C9orf78: variants seen among roughly 807,000 people sequenced by gnomAD.
The protein encoded by C9orf78 is chromosome 9 open reading frame 78.
Under a neutral mutation model 37.4 loss-of-function variants are expected in C9orf78, and 19 were observed. The observed-to-expected ratio is 0.51, with a 90% confidence interval of 0.35 to 0.74. C9orf78 has a LOEUF of 0.74. C9orf78 is among the 30% of genes least tolerant of loss of function. C9orf78 has a pLI of 0.01. For missense variants in C9orf78, 291 were observed against 370.8 expected, an observed-to-expected ratio of 0.78 and a Z score of 1.77; for synonymous variants, 130 against 128.0, an observed-to-expected ratio of 1.02 and a Z score of -0.10.
At chr9:129,832,200 T>C (rs922697170) in intron 4 of C9orf78, among the ~76,000 whole-genome samples, 3 of 152,200 alleles carry the variant, frequency 2.0e-5, no homozygotes, top group Admixed American at 2.0e-4. Flanking sequence ...GATACACTTA[T>C]CCTTAGGTAT....
chr9:129,831,417 A>C (rs1486611418), intron 5 of C9orf78: 1 of 279,868 alleles, frequency 3.6e-6, no homozygotes, highest in Non-Finnish European at 6.8e-6. Context: ...ACCTTTGAAA[A>C]CAAGTTTTTA....
At chr9:129,833,031 ATG>A (rs770175786) in intron 4 of C9orf78, among the ~76,000 whole-genome samples, 2 of 133,630 alleles carry the variant, frequency 1.5e-5, no homozygotes, top group African/African-American at 2.5e-5. Context: ...GTGTATATAC[ATG>A]TGTGTATATA....
intron 5 of C9orf78, chr9:129,831,471 C>G (rs1564188104): frequency 3.9e-6 from 1 of 254,612 alleles, no homozygotes; most frequent in Non-Finnish European, 7.7e-6. Flanking sequence ...GTTGCCCAGG[C>G]TGGAGTGCAA....
In C9orf78 at chr9:129,829,247, G is replaced by T; in HGVS notation, c.736C>A (p.Arg246=). The T allele has an allele frequency of 6.2e-7, 1 of 1,612,690 alleles. No homozygotes were observed. The highest frequency in any genetic ancestry group is 8.5e-7 in the Non-Finnish European group (1 of 1,179,478). ...IRRNKEEPKA[R]PLRVGDTEKP... is the part of the protein sequence containing the mutation. ...TCCGTGTCACCTACTCTCAAGGGCC[G>T]GGCCTTGGGCTCTTCTTTGTTTCTC... The change falls in exon 8 of 9, where the codon CGG becomes AGG. Residue 246 remains arginine (R), a synonymous_variant. Transcript: ENST00000372447.
chr9:129,833,227 C>T (rs1034973301), intron 4 of C9orf78, among the ~76,000 whole-genome samples: 8 of 151,568 alleles, frequency 5.3e-5, no homozygotes, highest in Non-Finnish European at 5.9e-5. Context: ...ATCACGCCTA[C>T]AATACACTCT....
At chr9:129,832,728 C>T (rs1209706282) in intron 4 of C9orf78, among the ~76,000 whole-genome samples, 10 of 152,250 alleles carry the variant, frequency 6.6e-5, no homozygotes, top group Admixed American at 4.6e-4. Flanking sequence ...CATGAGCCAC[C>T]GCAGCTGGCC....
chr9:129,830,848 C>A (rs935371837), intron 6 of C9orf78, 23 bp downstream of exon 6: 1 of 1,554,196 alleles, frequency 6.4e-7, no homozygotes, highest in African/African-American at 1.4e-5. Flanking sequence ...ACTGTGTCTT[C>A]TGCCTAGGGG....
chr9:129,833,373 C>T, intron 4 of C9orf78, 74 bp downstream of exon 4: 4 of 829,934 alleles, frequency 4.8e-6, no homozygotes, highest in Non-Finnish European at 8.4e-6. Context: ...GCTACAGGCC[C>T]CAGCTCTCTG....
intron 4 of C9orf78, among the ~76,000 whole-genome samples, chr9:129,833,019 ATGTG>A (rs1564188672): frequency 6.7e-6 from 1 of 148,394 alleles, no homozygotes; most frequent in Admixed American, 6.7e-5. Context: ...GTGTGTGTAT[ATGTG>A]TATATACATG....
At chr9:129,834,647 C>T in intron 2 of C9orf78, 60 bp downstream of exon 2, 5 of 1,213,438 alleles carry the variant, frequency 4.1e-6, no homozygotes, top group Non-Finnish European at 6.1e-6. Flanking sequence ...TGACAGCGAC[C>T]CGGACGCGGA....
intron 6 of C9orf78, 65 bp downstream of exon 6, chr9:129,830,806 G>A (rs1467841822): frequency 8.6e-7 from 1 of 1,158,564 alleles, no homozygotes; most frequent in African/African-American, 1.5e-5. Context: ...CACCGTGCCT[G>A]GCCTGTCCCC....
intron 1 of C9orf78, 124 bp downstream of exon 1, chr9:129,835,015 G>C (rs923249491): frequency 1.2e-6 from 1 of 841,972 alleles, no homozygotes; most frequent in Non-Finnish European, 1.9e-6. Flanking sequence ...CAATTTCTGC[G>C]TCCGCAGAAG....
rs1401666306 is a variant in C9orf78, at chr9:129,831,919, G to A, written c.321C>T (p.Asn107=). Residue 107 remains asparagine, a synonymous_variant, in exon 5 of 9, where the codon AAC becomes AAT. Transcript: ENST00000372447. ...ACATGTCTGCATCCTCATCCCTTCGGTTGGTTTCTGCAGAAAACGATGTCC... is the reference window on the plus strand; with the variant it reads ...ACATGTCTGCATCCTCATCCCTTCGATTGGTTTCTGCAGAAAACGATGTCC... ...HLGTSFSAET[N]RRDEDADMMK... The A allele has an allele frequency of 2.5e-6, 4 of 1,590,154 alleles. No individual in the cohort carries two copies. Among genetic ancestry groups the A allele is most frequent in the South Asian group, 1.1e-5 (1 of 90,604 alleles).
intron 4 of C9orf78, 68 bp from the exon 5 acceptor site, chr9:129,832,041 A>C (rs944713858): frequency 3.7e-6 from 3 of 804,510 alleles, no homozygotes; most frequent in Admixed American, 3.5e-5. Context: ...TTTATGTTCT[A>C]AGAAGAAAAC....
At chr9:129,833,032 T>C (rs1276740352) in intron 4 of C9orf78, among the ~76,000 whole-genome samples, 1 of 117,014 alleles carries the variant, frequency 8.5e-6, no homozygotes, top group Non-Finnish European at 1.8e-5. Context: ...TGTATATACA[T>C]GTGTGTATAT....
Position 129,835,242 on chromosome 9 carries a change from A to T in C9orf78, c.-21T>A, listed in dbSNP as rs2031698140. ...GGCATGGTGACAACGGCCGAGTTGT[A>T]CAGCCGCCGCGCCTCTGCGCAGCGG... is the stretch of plus-strand genomic sequence containing the variant. On this transcript the variant is annotated 5_prime_UTR_variant, in exon 1 of 9. Coordinates refer to ENST00000372447, the MANE Select transcript of C9orf78 (RefSeq NM_016520.3). 1 of 1,581,078 alleles carries T rather than the reference A, an allele frequency of 6.3e-7. No individual in the cohort carries two copies. Among genetic ancestry groups the T allele is most frequent in the South Asian group, 1.1e-5 (1 of 90,470 alleles).
At chr9:129,829,158 A>G in intron 8 of C9orf78, 47 bp downstream of exon 8, 1 of 1,367,636 alleles carries the variant, frequency 7.3e-7, no homozygotes, top group Non-Finnish European at 1.0e-6. Flanking sequence ...ATGGGTTCCC[A>G]CATTGCTGAG....
intron 2 of C9orf78, 175 bp from the exon 3 acceptor site, chr9:129,833,884 C>T: frequency 1.7e-6 from 1 of 605,178 alleles, no homozygotes; most frequent in South Asian, 2.0e-5. Context: ...GCTCAACGAG[C>T]ACCGCAGATG....
intron 6 of C9orf78, chr9:129,830,002 G>A (rs998458968): frequency 6.5e-6 from 1 of 154,174 alleles, no homozygotes; most frequent in Non-Finnish European, 1.4e-5. Context: ...CTGAACAGCT[G>A]TAACACGCTA....
Sources: allele counts gnomAD v4.1 joint callset (sites outside exome capture counted in the v4.1 genomes callset), GRCh38; gene constraint gnomAD v4.1.1; transcripts MANE v1.5; gene names NCBI Gene and HGNC (gene_info 2026-07-23, HGNC 2026-07-21).